The following TRPC3 variants were observed in gnomAD, a reference collection of about 807,000 sequenced individuals.
TRPC3 encodes the protein transient receptor potential cation channel subfamily C member 3.
A neutral mutation model predicts 90.9 loss-of-function variants in TRPC3; 54 were observed. The ratio of observed to expected loss-of-function variants is 0.59; its 90% CI spans 0.48 to 0.75. TRPC3 has a LOEUF of 0.75. Ranked by LOEUF, TRPC3 falls within the 30% of genes least tolerant of loss-of-function variation. The pLI, the probability that TRPC3 is intolerant of heterozygous loss-of-function variation, is 0.00. For synonymous variants in TRPC3, 424 were observed against 450.9 expected (o/e 0.94, Z 0.75); for missense variants, 918 against 1,194.5 (o/e 0.77, Z 3.41).
intron 9 of TRPC3, 94 bp from the exon 10 acceptor site, chr4:121,899,789 G>A (rs1388495112): frequency 2.1e-6 from 2 of 947,122 alleles, no homozygotes; most frequent in Non-Finnish European, 3.2e-6. Context: ...CATTTCTGGA[G>A]TCAACATTCC....
At chr4:121,890,996 A>T (rs1578601670) in intron 10 of TRPC3, among the ~76,000 whole-genome samples, 2 of 152,162 alleles carry the variant, frequency 1.3e-5, no homozygotes, top group South Asian at 4.1e-4. Context: ...ATCTTAAAAA[A>T]CAAAAAAATA....
chr4:121,920,813 T>C (rs1171075433), intron 3 of TRPC3, among the ~76,000 whole-genome samples: 2 of 152,236 alleles, frequency 1.3e-5, no homozygotes, highest in African/African-American at 4.8e-5. Context: ...GATGTTTTCC[T>C]TACAAATTTG....
Position 121,932,390 on chromosome 4 carries a change from C to T in TRPC3, c.868G>A (p.Ala290Thr). ...GCCGGGCTGGCCAGCCCCTTGTAGG[C>T]ATTGATCCTCGAGCGTGAGTGGCTG... is the stretch of plus-strand genomic sequence containing the variant. ...SFSHSRSRINAYKGLASPAYL... is the reference protein window; with the variant it reads ...SFSHSRSRINTYKGLASPAYL... Residue 290 changes from alanine to threonine, a missense_variant, in exon 2 of 12, where the codon GCC becomes ACC. Physicochemically the swap from Ala to Thr is moderately conservative, Grantham distance 58. Around this residue, in one of 4 missense-constraint regions of TRPC3, gnomAD observed 609 missense variants for 725.9 expected, o/e 0.84. Transcript: ENST00000379645. This position sits in a 1 kb window ranked among gnomAD's most constrained non-coding sequence, Gnocchi z 7.7. 2.5e-6 allele frequency: 4 copies of T among 1,614,184 alleles called. No homozygotes were observed. The South Asian group carries it at 3.3e-5, about 13-fold the overall frequency.
chr4:121,879,614 G>T lies in TRPC3; in HGVS notation c.*122C>A, dbSNP rs201968858. On this transcript the variant is annotated 3_prime_UTR_variant, in exon 12 of 12. Transcript: ENST00000379645. ...AAACCATTAAGAGCTAACTTTTAAA[G>T]GTTCACATGATAAAGGTAGTTAATA... 8.7e-5 allele frequency: 91 copies of T among 1,050,452 alleles called. No individual in the cohort carries two copies. The South Asian group carries it at 1.3e-3, about 15-fold the overall frequency. The allele number at this position is 1,050,452 out of a possible 1,614,324, so 65.1% of individuals were successfully genotyped here.
rs756334640 is a variant in TRPC3 at position 121,932,655 on chromosome 4, C to T, written c.603G>A (p.Ala201=). Residue 201 remains alanine, a synonymous_variant, in exon 2 of 12, where the codon GCG becomes GCA. Coordinates refer to ENST00000379645, the MANE Select transcript of TRPC3 (RefSeq NM_001130698.2). This position sits in a 1 kb window ranked among gnomAD's most constrained non-coding sequence, Gnocchi z 7.7. ...VEAILNHPGF[A]ASKRLTLSPC... ...GGCTCAGAGTGAGACGCTTGCTGGC[C>T]GCGAAGCCAGGGTGGTTGAGGATGG... The T allele has an allele frequency of 1.3e-5, 21 of 1,612,410 alleles. No homozygotes were observed. The highest frequency in any genetic ancestry group is 1.8e-5 in the Non-Finnish European group (21 of 1,178,718).
intron 6 of TRPC3, 70 bp downstream of exon 6, chr4:121,910,084 C>A: frequency 8.3e-7 from 1 of 1,199,270 alleles, no homozygotes; most frequent in South Asian, 1.3e-5. Flanking sequence ...CTCCAATTGG[C>A]ATTTCCTTCC....
intron 3 of TRPC3, among the ~76,000 whole-genome samples, chr4:121,921,925 T>TG (rs199764912): frequency 0.011 from 837 of 75,120 alleles, 10 homozygotes; most frequent in African/African-American, 0.028. Context: ...TTTTGTTTTT[T>TG]TTTTTTTTTT....
chr4:121,932,975 C>T lies in TRPC3; in HGVS notation c.283G>A (p.Val95Ile), dbSNP rs1730005046. ...TTGAACATGAAGGCCGGGCCCCTGA[C>T]AGCCTGGCGCCGGCCCTTCTCCCGC... is the stretch of plus-strand genomic sequence containing the variant. Reference protein sequence around the residue: ...VMREKGRRQAVRGPAFMFNDR... With the variant: ...VMREKGRRQAIRGPAFMFNDR... Residue 95 changes from valine to isoleucine, a missense_variant, in exon 2 of 12, where the codon GTC (valine) becomes ATC (isoleucine). Coordinates refer to ENST00000379645, the MANE Select transcript of TRPC3 (RefSeq NM_001130698.2). The surrounding 1 kb of genome is among the most constrained non-coding windows in gnomAD (Gnocchi z 7.7). 2.5e-6 allele frequency: 4 copies of T among 1,611,116 alleles called. No homozygotes were observed. Among genetic ancestry groups the T allele is most frequent in the African/African-American group, 2.7e-5 (2 of 74,920 alleles).
intron 3 of TRPC3, among the ~76,000 whole-genome samples, chr4:121,924,574 C>T (rs753297752): frequency 2.0e-5 from 3 of 152,176 alleles, no homozygotes; most frequent in Non-Finnish European, 4.4e-5. Flanking sequence ...CTTGCTTGCT[C>T]TGTTGCCCAG....
intron 3 of TRPC3, among the ~76,000 whole-genome samples, chr4:121,921,900 G>GT (rs1050793209): frequency 2.8e-5 from 4 of 142,114 alleles, no homozygotes; most frequent in East Asian, 2.1e-4. Context: ...GGAAGCCTTT[G>GT]TTTTTTGGGT....
rs1297307413 is a variant in TRPC3, at chr4:121,914,761, A to T, written c.1341+19T>A. ...CACAGTACACCACCACAGAGGAAAT[A>T]GATGTAGAAAGCAAGTACCCTGCTG... On this transcript the variant is annotated intron_variant, in intron 4 of 11. Coordinates refer to ENST00000379645, the MANE Select transcript of TRPC3 (RefSeq NM_001130698.2). The T allele has an allele frequency of 6.3e-7, 1 of 1,583,386 alleles. No individual in the cohort carries two copies. Among genetic ancestry groups the T allele is most frequent in the Admixed American group, 1.7e-5 (1 of 58,306 alleles).
At chr4:121,888,576 T>A (rs1461444496) in intron 10 of TRPC3, among the ~76,000 whole-genome samples, 1 of 151,884 alleles carries the variant, frequency 6.6e-6, no homozygotes. Context: ...TTTTTTTTTT[T>A]AGTAGAGACA....
In TRPC3 at chr4:121,899,594, C is replaced by T. The variant is rs199888777; in HGVS notation, c.2547+18G>A. 5.1e-5 allele frequency: 82 copies of T among 1,599,626 alleles called. 1 individual carries two copies. The highest frequency in any genetic ancestry group is 4.5e-4 in the South Asian group (41 of 90,694). ...GGAATCACATAGAGATCAAGAGATA[C>T]GTCTAATGAATGCTTACCTGATAAC... On this transcript the variant is annotated intron_variant, in intron 10 of 11. Transcript: ENST00000379645.
chr4:121,921,493 G>A (rs925948182), intron 3 of TRPC3, among the ~76,000 whole-genome samples: 4 of 127,976 alleles, frequency 3.1e-5, no homozygotes, highest in Non-Finnish European at 6.2e-5. Context: ...CTGCACTCCA[G>A]CCTGGGCGAC....
chr4:121,946,979 T>TA (rs1730510422), intron 1 of TRPC3, among the ~76,000 whole-genome samples: 1 of 151,822 alleles, frequency 6.6e-6, no homozygotes, highest in Non-Finnish European at 1.5e-5. Context: ...GCTCAGGAGT[T>TA]AGAGACCAGC....
chr4:121,906,255 C>T (rs1015264901), intron 7 of TRPC3, among the ~76,000 whole-genome samples: 4 of 152,236 alleles, frequency 2.6e-5, no homozygotes, highest in East Asian at 1.9e-4. Flanking sequence ...TTCAAATCCA[C>T]GTCTGCATGA....
Position 121,932,618 on chromosome 4 carries a change from C to T in TRPC3, c.640G>A (p.Glu214Lys). The T allele has an allele frequency of 1.2e-6, 2 of 1,613,868 alleles. No individual in the cohort carries two copies. Among genetic ancestry groups the T allele is most frequent in the Non-Finnish European group, 1.7e-6 (2 of 1,179,810 alleles). Reference protein sequence around the residue: ...KRLTLSPCEQELQDDDFYAYD... With the variant: ...KRLTLSPCEQKLQDDDFYAYD... ...GCGTAGAAGTCGTCGTCCTGCAGCT[C>T]CTGCTCACAGGGGCTCAGAGTGAGA... The change falls in exon 2 of 12, where the codon GAG (glutamate) becomes AAG (lysine). Residue 214 changes from glutamate (E) to lysine (K), a missense_variant. Physicochemically the swap from Glu to Lys is moderately conservative, Grantham distance 56. Around this residue, in one of 4 missense-constraint regions of TRPC3, gnomAD observed 609 missense variants for 725.9 expected, o/e 0.84. Transcript: ENST00000379645. The surrounding 1 kb of genome is among the most constrained non-coding windows in gnomAD (Gnocchi z 7.7).
chr4:121,925,583 T>G (rs1560709445), intron 2 of TRPC3, among the ~76,000 whole-genome samples: 1 of 152,138 alleles, frequency 6.6e-6, no homozygotes. Flanking sequence ...GTGAACAAAG[T>G]TTCATTTAGA....
At chr4:121,920,230 A>C (rs920967311) in intron 3 of TRPC3, among the ~76,000 whole-genome samples, 2 of 152,068 alleles carry the variant, frequency 1.3e-5, no homozygotes, top group Non-Finnish European at 2.9e-5. Context: ...ACCCCTTAAA[A>C]ATGATTTTAG....
Sources: allele counts gnomAD v4.1 joint callset (sites outside exome capture counted in the v4.1 genomes callset), GRCh38; gene constraint gnomAD v4.1.1; regional missense constraint gnomAD v4.1.1; non-coding constraint Gnocchi (gnomAD v3.1); transcripts MANE v1.5; gene names NCBI Gene and HGNC (gene_info 2026-07-23, HGNC 2026-07-21).